The following CSMD1 variants were observed in gnomAD, a reference collection of about 807,000 sequenced individuals.
The protein encoded by CSMD1 is CUB and sushi domain-containing protein 1.
CSMD1 carries 213 observed loss-of-function variants against 417.5 expected under a neutral mutation model. That is an observed-to-expected ratio of 0.51 (90% confidence interval 0.46 to 0.57). The LOEUF is 0.57. CSMD1 is among the 20% of genes least tolerant of loss of function. The pLI is 0.00. For synonymous variants in CSMD1, 2,862 were observed against 1,736.8 expected, an observed-to-expected ratio of 1.65 and a Z score of -16.11; for missense variants, 6,923 against 4,529.7, an observed-to-expected ratio of 1.53 and a Z score of -15.17.
intron 3 of CSMD1, among the ~76,000 whole-genome samples, chr8:4,186,837 A>AAC (rs1217744121): frequency 1.3e-5 from 2 of 150,654 alleles, no homozygotes; most frequent in Non-Finnish European, 3.0e-5. Context: ...AAATACAGAA[A>AAC]AAAAAAAAAT....
intron 2 of CSMD1, among the ~76,000 whole-genome samples, chr8:4,445,642 A>G (rs367922537): frequency 1.3e-5 from 2 of 152,186 alleles, no homozygotes; most frequent in Non-Finnish European, 2.9e-5. Context: ...TGTTCCTAGG[A>G]AAGTAAGGTT....
At chr8:4,101,474 C>G (rs746323535) in intron 3 of CSMD1, among the ~76,000 whole-genome samples, 37 of 152,160 alleles carry the variant, frequency 2.4e-4, no homozygotes, top group Non-Finnish European at 4.0e-4. Flanking sequence ...CAAAAGGTCT[C>G]CATGGTGCAG....
At chr8:3,765,439 G>A (rs781204124) in intron 5 of CSMD1, among the ~76,000 whole-genome samples, 1 of 152,138 alleles carries the variant, frequency 6.6e-6, no homozygotes, top group Non-Finnish European at 1.5e-5. Context: ...GTTACTGTGT[G>A]TCTTACATTA....
intron 26 of CSMD1, among the ~76,000 whole-genome samples, chr8:3,235,593 C>T (rs1799101796): frequency 6.6e-6 from 1 of 152,118 alleles, no homozygotes; most frequent in Non-Finnish European, 1.5e-5. Flanking sequence ...ATTGTTTAAT[C>T]CAGCGTATCC....
At chr8:4,773,668 C>G (rs764608324) in intron 1 of CSMD1, among the ~76,000 whole-genome samples, 1 of 152,096 alleles carries the variant, frequency 6.6e-6, no homozygotes, top group African/African-American at 2.4e-5. Flanking sequence ...GTTTGTGCAG[C>G]CTTTATCGTC....
chr8:4,371,264 AG>A (rs1272003197), intron 3 of CSMD1, among the ~76,000 whole-genome samples: 1 of 152,148 alleles, frequency 6.6e-6, no homozygotes, highest in East Asian at 1.9e-4. Flanking sequence ...TTTGGCTTCT[AG>A]TCCCTTGAGG....
chr8:3,625,943 A>C (rs544389583), intron 7 of CSMD1, among the ~76,000 whole-genome samples: 4 of 152,218 alleles, frequency 2.6e-5, no homozygotes, highest in Non-Finnish European at 5.9e-5. Context: ...TGTTTTCCTT[A>C]TAAAGCTTCA....
intron 2 of CSMD1, among the ~76,000 whole-genome samples, chr8:4,602,814 G>A (rs1800663055): frequency 6.6e-6 from 1 of 151,784 alleles, no homozygotes; most frequent in Non-Finnish European, 1.5e-5. Flanking sequence ...TTTTAGAAAG[G>A]TAAGCTGACT....
chr8:4,272,485 T>C (rs1804666644), intron 3 of CSMD1, among the ~76,000 whole-genome samples: 1 of 152,142 alleles, frequency 6.6e-6, no homozygotes, highest in Non-Finnish European at 1.5e-5. Flanking sequence ...CAGATAACTA[T>C]ACACGATCAC....
rs1169687292 is a variant in CSMD1, at chr8:3,724,022, CT to C, written c.932-15532del. Among the ~76,000 whole-genome samples the C allele has an allele frequency of 3.8e-5, 2 of 52,332 alleles. 1 individual carries two copies. Among genetic ancestry groups the C allele is most frequent in the Non-Finnish European group, 2.0e-4 (2 of 10,206 alleles). The allele number at this position is 52,332 out of a possible 152,430, so 34.3% of individuals were successfully genotyped here. On this transcript the variant is annotated intron_variant, in intron 6 of 69. Transcript: ENST00000635120. The stretch of plus-strand genomic sequence containing the variant: ...CTAAGAGGGATATTAAAATACGCCT[CT>C]CTTTTTCAACTTTCTATCTGTGTAA...
At position 4,420,027 on chromosome 8, in the gene CSMD1, G is replaced by C. The variant is rs764874337; in HGVS notation, c.341C>G (p.Thr114Arg). 8 of 1,581,544 alleles carry C rather than the reference G, an allele frequency of 5.1e-6. No homozygotes were observed. The Admixed American group carries it at 1.3e-4, about 25-fold the overall frequency. The part of the protein sequence containing the change: ...GFQLPSSIVS[T>R]GSILTLWFTT... The stretch of plus-strand genomic sequence containing the variant: ...GAACCACAGAGTGAGGATAGATCCT[G>C]TACTCACTATAGAGGAGGGCAGCTG... The change falls in exon 3 of 70, where the codon ACA becomes AGA. Residue 114 changes from threonine (T) to arginine (R), a missense_variant. By Grantham distance (71) the Thr-to-Arg change is moderately conservative (BLOSUM62 -1). Transcript: ENST00000635120.
chr8:4,896,983 T>C (rs777020975), intron 1 of CSMD1, among the ~76,000 whole-genome samples: 20 of 152,140 alleles, frequency 1.3e-4, no homozygotes, highest in Admixed American at 3.3e-4. Flanking sequence ...TTCATTTTTG[T>C]GATGTGTCTC....
intron 5 of CSMD1, among the ~76,000 whole-genome samples, chr8:3,888,126 A>G (rs910833801): frequency 1.3e-5 from 2 of 152,222 alleles, no homozygotes; most frequent in Admixed American, 6.5e-5. Context: ...AAGTGGGATA[A>G]CATGGATAAC....
intron 49 of CSMD1, among the ~76,000 whole-genome samples, chr8:3,069,778 T>G (rs1411422721): frequency 6.6e-6 from 1 of 152,190 alleles, no homozygotes; most frequent in East Asian, 1.9e-4. Flanking sequence ...CATTGGAGAC[T>G]CTGCATGGGG....
chr8:4,383,871 G>A (rs894170826), intron 3 of CSMD1, among the ~76,000 whole-genome samples: 1 of 151,970 alleles, frequency 6.6e-6, no homozygotes, highest in African/African-American at 2.4e-5. Context: ...TTTTAAAGAA[G>A]AAAATATCTT....
intron 10 of CSMD1, among the ~76,000 whole-genome samples, chr8:3,505,969 AG>A (rs1796807365): frequency 1.3e-5 from 2 of 152,218 alleles, no homozygotes; most frequent in Non-Finnish European, 2.9e-5. Context: ...AGAAAGGAAG[AG>A]GGTTGAGTGG....
intron 21 of CSMD1, among the ~76,000 whole-genome samples, chr8:3,352,859 G>GAAAC (rs1252225769): frequency 6.6e-6 from 1 of 151,764 alleles, no homozygotes; most frequent in African/African-American, 2.4e-5. Flanking sequence ...AACAAACAAA[G>GAAAC]AAACAAACAA....
At chr8:3,059,038 C>T (rs971904190) in intron 49 of CSMD1, among the ~76,000 whole-genome samples, 3 of 151,374 alleles carry the variant, frequency 2.0e-5, no homozygotes, top group African/African-American at 4.9e-5. Flanking sequence ...TTTTTTTTTC[C>T]GCTAACCCTG....
intron 3 of CSMD1, among the ~76,000 whole-genome samples, chr8:4,146,908 G>A (rs1032045577): frequency 6.9e-6 from 1 of 144,210 alleles, no homozygotes; most frequent in Admixed American, 6.7e-5. Flanking sequence ...CCACCGCACC[G>A]GCCAGACACA....
Sources: allele counts gnomAD v4.1 joint callset (sites outside exome capture counted in the v4.1 genomes callset), GRCh38; gene constraint gnomAD v4.1.1; transcripts MANE v1.5; gene names NCBI Gene and HGNC (gene_info 2026-07-23, HGNC 2026-07-21).